MDGA2: variants seen among roughly 807,000 people sequenced by gnomAD.
MDGA2 encodes MAM domain-containing glycosylphosphatidylinositol anchor protein 2.
A neutral mutation model predicts 117.8 loss-of-function variants in MDGA2; 40 were observed. That is an observed-to-expected ratio of 0.34 (90% CI 0.26 to 0.44). The LOEUF is 0.44. MDGA2 is among the 20% of genes least tolerant of loss of function. The pLI, the probability that MDGA2 is intolerant of heterozygous loss-of-function variation, is 1.00. For synonymous variants in MDGA2, 452 were observed against 439.0 expected (o/e 1.03, Z -0.37); for missense variants, 1,123 against 1,250.6 (o/e 0.90, Z 1.54).
chr14:47,144,582 G>C (rs1487930437), intron 3 of MDGA2, among the ~76,000 whole-genome samples: 1 of 151,910 alleles, frequency 6.6e-6, no homozygotes, highest in East Asian at 1.9e-4. Flanking sequence ...AAATTCAAGA[G>C]CTTAGCCAAA....
chr14:46,845,345 T>C (rs553052087), intron 16 of MDGA2, among the ~76,000 whole-genome samples: 1 of 152,328 alleles, frequency 6.6e-6, no homozygotes, highest in South Asian at 2.1e-4. Context: ...TCTCTTTCTT[T>C]TATAAATTAC....
chr14:47,443,551 T>C (rs562910071), intron 1 of MDGA2, among the ~76,000 whole-genome samples: 2 of 152,310 alleles, frequency 1.3e-5, no homozygotes, highest in South Asian at 4.1e-4. Flanking sequence ...TATATAAATA[T>C]TCATTGTTCT....
At chr14:47,674,191 A>G (rs1461956979) in intron 1 of MDGA2, among the ~76,000 whole-genome samples, 1 of 152,134 alleles carries the variant, frequency 6.6e-6, no homozygotes, top group African/African-American at 2.4e-5. Flanking sequence ...CGTGGCATGC[A>G]AGGAGCCAAA....
intron 2 of MDGA2, among the ~76,000 whole-genome samples, chr14:47,256,833 G>C (rs944591094): frequency 6.6e-6 from 1 of 151,306 alleles, no homozygotes; most frequent in Non-Finnish European, 1.5e-5. Context: ...AGGAAAGAAG[G>C]AAGGAAGGAA....
chr14:47,388,962 C>T (rs1891827262), intron 1 of MDGA2, among the ~76,000 whole-genome samples: 1 of 152,160 alleles, frequency 6.6e-6, no homozygotes, highest in Non-Finnish European at 1.5e-5. Flanking sequence ...TCGTATTTTA[C>T]CTTCTGTATT....
intron 5 of MDGA2, among the ~76,000 whole-genome samples, chr14:47,104,487 A>G (rs1384011779): frequency 1.0e-4 from 12 of 117,570 alleles, no homozygotes; most frequent in African/African-American, 4.1e-4. Flanking sequence ...CCCCACTCCT[A>G]CCCGCCAGAG....
intron 1 of MDGA2, among the ~76,000 whole-genome samples, chr14:47,372,291 C>T (rs1157028782): frequency 1.3e-5 from 2 of 151,394 alleles, no homozygotes; most frequent in Non-Finnish European, 3.0e-5. Flanking sequence ...AAAAAAAAGT[C>T]AAAAATCAAG....
At chr14:47,552,625 C>T (rs1405163337) in intron 1 of MDGA2, among the ~76,000 whole-genome samples, 1 of 152,106 alleles carries the variant, frequency 6.6e-6, no homozygotes, top group East Asian at 1.9e-4. Flanking sequence ...TGAACTACAA[C>T]AGCCTCCTAA....
intron 1 of MDGA2, among the ~76,000 whole-genome samples, chr14:47,466,154 C>T (rs1467192470): frequency 6.6e-6 from 1 of 151,784 alleles, no homozygotes; most frequent in Non-Finnish European, 1.5e-5. Context: ...ACAACAGACA[C>T]TGGGGTGTAT....
At chr14:46,923,654 T>C (rs935698969) in intron 9 of MDGA2, among the ~76,000 whole-genome samples, 1 of 150,256 alleles carries the variant, frequency 6.7e-6, no homozygotes, top group African/African-American at 2.5e-5. Flanking sequence ...GCATACTTTC[T>C]ACTGAGCCTA....
chr14:46,900,465 T>G (rs1320248905), intron 10 of MDGA2, among the ~76,000 whole-genome samples: 1 of 152,134 alleles, frequency 6.6e-6, no homozygotes, highest in African/African-American at 2.4e-5. Flanking sequence ...CCAAATGTAT[T>G]TTAAAGAAAG....
At chr14:47,333,131 A>G (rs1370524578) in intron 1 of MDGA2, among the ~76,000 whole-genome samples, 1 of 151,922 alleles carries the variant, frequency 6.6e-6, no homozygotes, top group Non-Finnish European at 1.5e-5. Flanking sequence ...ACTTTTTGAT[A>G]TAATGATTTC....
intron 5 of MDGA2, among the ~76,000 whole-genome samples, chr14:47,110,474 T>C (rs1228040876): frequency 6.6e-6 from 1 of 152,180 alleles, no homozygotes; most frequent in Non-Finnish European, 1.5e-5. Flanking sequence ...TTTCATTTTG[T>C]ACCATATGGA....
chr14:47,619,263 A>G (rs1462729847), intron 1 of MDGA2, among the ~76,000 whole-genome samples: 1 of 152,192 alleles, frequency 6.6e-6, no homozygotes, highest in African/African-American at 2.4e-5. Flanking sequence ...TAATAATTTT[A>G]CTGCCCAATA....
Position 47,502,875 on chromosome 14 carries a change from T to A in MDGA2, c.280+171642A>T, listed in dbSNP as rs1400176734. Among the ~76,000 whole-genome samples the A allele has an allele frequency of 3.3e-5, 5 of 152,082 alleles. No individual in the cohort carries two copies. In the East Asian group the frequency reaches 9.7e-4, roughly 29 times the overall value. ...TAATTATTATTTTGTAGAGAAGGGG[T>A]CTGGCTTTGTTGCCCAGGCTGGTCT... On this transcript the variant is annotated intron_variant, in intron 1 of 16. Transcript: ENST00000399232.
intron 2 of MDGA2, among the ~76,000 whole-genome samples, chr14:47,222,518 G>A (rs1445614134): frequency 6.6e-6 from 1 of 152,088 alleles, no homozygotes. Context: ...ACAGCTTTCT[G>A]AGATTCAGGC....
At chr14:47,605,672 C>T (rs74867861) in intron 1 of MDGA2, among the ~76,000 whole-genome samples, 8,481 of 152,136 alleles carry the variant, frequency 0.056, 292 homozygotes, top group East Asian at 0.088. Context: ...ATCAGAATTC[C>T]TCAAAATCAC....
chr14:47,369,694 T>C (rs553125160), intron 1 of MDGA2, among the ~76,000 whole-genome samples: 1 of 152,280 alleles, frequency 6.6e-6, no homozygotes, highest in East Asian at 1.9e-4. Flanking sequence ...TTTTTTCCCA[T>C]CAATATAGTG....
At chr14:47,095,995 T>C (rs893381788) in intron 6 of MDGA2, among the ~76,000 whole-genome samples, 1 of 151,986 alleles carries the variant, frequency 6.6e-6, no homozygotes, top group African/African-American at 2.4e-5. Context: ...AAGTGAGATA[T>C]GAAGAAGCAT....
Sources: gnomAD v4.1 joint callset for allele counts (sites outside exome capture counted in the v4.1 genomes callset) on GRCh38, gnomAD v4.1.1 for gene constraint, MANE v1.5 for transcripts, NCBI Gene and HGNC (gene_info 2026-07-23, HGNC 2026-07-21) for gene names.